Variants in OR51M1 observed in about 807,000 individuals in gnomAD.
The protein encoded by OR51M1 is olfactory receptor 51M1.
For synonymous variants in OR51M1, 199 were observed against 155.1 expected (o/e 1.28, Z -2.10); for missense variants, 509 against 404.4 (o/e 1.26, Z -2.22).
chr11:5,385,061 G>A (rs1407139313), intron 1 of OR51M1, among the ~76,000 whole-genome samples: 1 of 152,174 alleles, frequency 6.6e-6, no homozygotes, highest in Non-Finnish European at 1.5e-5. Context: ...ACACAGGTGA[G>A]GTAGAGAGCC....
rs374491977 is a variant in OR51M1 at position 5,389,645 on chromosome 11, C to G, written c.247C>G (p.Leu83Val). ...YLLSLLALTDLGLCVSTLPTT... is the reference protein window; with the variant it reads ...YLLSLLALTDVGLCVSTLPTT... ...ACTATCCTTGCTGGCCCTCACTGAC[C>G]TGGGGCTGTGTGTGTCCACGTTGCC... The change falls in exon 3 of 3, where the codon CTG (leucine) becomes GTG (valine). Residue 83 changes from leucine to valine, a missense_variant. Transcript: ENST00000642046. 1.1e-5 allele frequency: 17 copies of G among 1,613,568 alleles called. No homozygotes were observed. The highest frequency in any genetic ancestry group is 2.7e-5 in the African/African-American group (2 of 74,928).
At chr11:5,388,254 C>T (rs1369198804) in intron 2 of OR51M1, among the ~76,000 whole-genome samples, 1 of 151,386 alleles carries the variant, frequency 6.6e-6, no homozygotes, top group Non-Finnish European at 1.5e-5. Context: ...AAAAAAGAGA[C>T]AGTCATGGTT....
rs752171861 is a variant in OR51M1, at chr11:5,390,017, A to G, written c.619A>G (p.Asn207Asp). 6.2e-7 allele frequency: 1 copy of G among 1,613,472 alleles called. No homozygotes were observed. Among genetic ancestry groups the G allele is most frequent in the Admixed American group, 1.7e-5 (1 of 60,016 alleles). ...IQLACTDITFNNLYGLMVVVF... is the reference protein window; with the variant it reads ...IQLACTDITFDNLYGLMVVVF... Reference sequence around the variant, plus strand: ...GCTGGCCTGCACAGATATCACCTTCAATAATCTGTATGGACTGATGGTGGT... The same window carrying G: ...GCTGGCCTGCACAGATATCACCTTCGATAATCTGTATGGACTGATGGTGGT... The change falls in exon 3 of 3, where the codon AAT becomes GAT. Residue 207 changes from asparagine (N) to aspartate (D), a missense_variant. Asn to Asp is a conservative substitution (Grantham distance 23, BLOSUM62 1). Transcript: ENST00000642046.
chr11:5,390,422 C>A lies in OR51M1; in HGVS notation c.*43C>A. 1 of 1,478,196 alleles carries A rather than the reference C, an allele frequency of 6.8e-7. No homozygotes were observed. Among genetic ancestry groups the A allele is most frequent in the Non-Finnish European group, 9.0e-7 (1 of 1,107,480 alleles). 91.6% of individuals were successfully genotyped at this position (1,478,196 alleles called of 1,614,324 possible). A position where few individuals can be genotyped will look rare whatever the true frequency, so the allele number is the denominator to read the frequency against. ...CCCCCTAGAGGCCTATAAGAAGGCC[C>A]CAAATTGGACTGAAAATTTGGAGTA... On this transcript the variant is annotated 3_prime_UTR_variant, in exon 3 of 3. Coordinates refer to ENST00000642046, the MANE Select transcript of OR51M1 (RefSeq NM_001004756.3).
intron 2 of OR51M1, among the ~76,000 whole-genome samples, chr11:5,386,401 G>A (rs958107271): frequency 3.3e-5 from 5 of 152,134 alleles, no homozygotes; most frequent in Non-Finnish European, 7.4e-5. Flanking sequence ...GCCTTGGGAT[G>A]ATTGTTTACC....
chr11:5,388,486 A>G (rs1387480683), intron 2 of OR51M1, among the ~76,000 whole-genome samples: 1 of 150,508 alleles, frequency 6.6e-6, no homozygotes, highest in Admixed American at 6.7e-5. Context: ...AGGGAAAGCT[A>G]TTTCAGGAAA....
chr11:5,390,035 A>G lies in OR51M1; in HGVS notation c.637A>G (p.Met213Val), dbSNP rs777348255. The change falls in exon 3 of 3, where the codon ATG (methionine) becomes GTG (valine). Residue 213 changes from methionine to valine, a missense_variant. Physicochemically the swap from Met to Val is conservative, Grantham distance 21 (BLOSUM62 1). Coordinates refer to ENST00000642046, the MANE Select transcript of OR51M1 (RefSeq NM_001004756.3). Reference sequence around the variant, plus strand: ...CACCTTCAATAATCTGTATGGACTGATGGTGGTAGTTTTCACTGTGATGCT... The same window carrying G: ...CACCTTCAATAATCTGTATGGACTGGTGGTGGTAGTTTTCACTGTGATGCT... The part of the protein sequence containing the change: ...DITFNNLYGL[M>V]VVVFTVMLDL... The G allele has an allele frequency of 6.2e-7, 1 of 1,613,588 alleles. No homozygotes were observed. Among genetic ancestry groups the G allele is most frequent in the East Asian group, 2.2e-5 (1 of 44,876 alleles).
At chr11:5,387,210 A>T (rs11037152) in intron 2 of OR51M1, among the ~76,000 whole-genome samples, 19,352 of 152,160 alleles carry the variant, frequency 0.13, 1,345 homozygotes, top group Non-Finnish European at 0.16. Context: ...GAACCAGCAG[A>T]TCTTGGCATT....
chr11:5,390,695 A>C lies in OR51M1; in HGVS notation c.*316A>C. The C allele has an allele frequency of 3.9e-6, 1 of 257,602 alleles. No homozygotes were observed. Among genetic ancestry groups the C allele is most frequent in the Non-Finnish European group, 7.4e-6 (1 of 135,156 alleles). 16.0% of individuals were successfully genotyped at this position (257,602 alleles called of 1,614,324 possible). ...TAAATAAAAACTAAAAAGAACAATA[A>C]ATACCAGAGCACCCAGAGGAGAGCC... On this transcript the variant is annotated 3_prime_UTR_variant, in exon 3 of 3. Transcript: ENST00000642046.
At chr11:5,388,842 A>G (rs932790413) in intron 2 of OR51M1, among the ~76,000 whole-genome samples, 2 of 152,064 alleles carry the variant, frequency 1.3e-5, no homozygotes, top group African/African-American at 4.8e-5. Context: ...AACAGACTTG[A>G]GGTATTCAGT....
Position 5,390,001 on chromosome 11 carries a change from C to T in OR51M1, c.603C>T (p.Cys201=). 1.9e-6 allele frequency: 3 copies of T among 1,613,190 alleles called. No homozygotes were observed. Among genetic ancestry groups the T allele is most frequent in the Non-Finnish European group, 2.5e-6 (3 of 1,179,890 alleles). Residue 201 remains cysteine (C), a synonymous_variant, in exon 3 of 3, where the codon TGC becomes TGT. Coordinates refer to ENST00000642046, the MANE Select transcript of OR51M1 (RefSeq NM_001004756.3). ...ACCAGGAAGTGATACAGCTGGCCTG[C>T]ACAGATATCACCTTCAATAATCTGT... ...CLHQEVIQLA[C]TDITFNNLYG... is the part of the protein sequence containing the mutation.
rs963869262 is a variant in OR51M1, at chr11:5,390,533, A to G, written c.*154A>G. The stretch of plus-strand genomic sequence containing the variant: ...ATTTATGTCTGGAGTTGTGGCTTTA[A>G]AAAACTGAACTTCTCTTGCTTAGAT... On this transcript the variant is annotated 3_prime_UTR_variant, in exon 3 of 3. Transcript: ENST00000642046. 4.7e-6 allele frequency: 3 copies of G among 633,328 alleles called. No homozygotes were observed. The highest frequency in any genetic ancestry group is 5.0e-5 in the South Asian group (2 of 39,728). 39.2% of individuals were successfully genotyped at this position (633,328 alleles called of 1,614,324 possible).
In OR51M1 at chr11:5,389,688, T is replaced by G. The variant is rs1849761713; in HGVS notation, c.290T>G (p.Phe97Cys). ...VSTLPTTMGI[F>C]WFNSHSIYFG... ...ACGTTGCCCACCACTATGGGGATCTTCTGGTTTAACTCCCATAGTATCTAC... is the reference window on the plus strand; with the variant it reads ...ACGTTGCCCACCACTATGGGGATCTGCTGGTTTAACTCCCATAGTATCTAC... The change falls in exon 3 of 3, where the codon TTC becomes TGC. Residue 97 changes from phenylalanine (F) to cysteine (C), a missense_variant. Coordinates refer to ENST00000642046, the MANE Select transcript of OR51M1 (RefSeq NM_001004756.3). The G allele has an allele frequency of 6.2e-7, 1 of 1,613,754 alleles. No homozygotes were observed. Among genetic ancestry groups the G allele is most frequent in the East Asian group, 2.2e-5 (1 of 44,880 alleles).
chr11:5,392,525 T>C lies in OR51M1; in HGVS notation c.*2146T>C, dbSNP rs937074564. On this transcript the variant is annotated 3_prime_UTR_variant, in exon 3 of 3. Transcript: ENST00000642046. The stretch of plus-strand genomic sequence containing the variant: ...CAAATTAGGAAATACGTACAGGTAA[T>C]AACATATTTGAAAACTTCTACCTTA... 47 of 152,230 alleles carry C rather than the reference T, an allele frequency of 3.1e-4. No individual in the cohort carries two copies. The highest frequency in any genetic ancestry group is 1.1e-3 in the African/African-American group (44 of 41,454). The allele number at this position is 152,230 out of a possible 1,614,324, so 9.4% of individuals were successfully genotyped here. A position where few individuals can be genotyped will look rare whatever the true frequency, so the allele number is the denominator to read the frequency against.
rs780471536 is a variant in OR51M1 at position 5,392,184 on chromosome 11, T to C, written c.*1805T>C. On this transcript the variant is annotated 3_prime_UTR_variant, in exon 3 of 3. Coordinates refer to ENST00000642046, the MANE Select transcript of OR51M1 (RefSeq NM_001004756.3). ...GTTTGTGTGGTATCTCATGTTTGTATGTGTGGGTGTTATCAGACTCTCAGG... is the reference window on the plus strand; with the variant it reads ...GTTTGTGTGGTATCTCATGTTTGTACGTGTGGGTGTTATCAGACTCTCAGG... The C allele has an allele frequency of 6.6e-6, 1 of 152,272 alleles. No homozygotes were observed. Among genetic ancestry groups the C allele is most frequent in the African/African-American group, 2.4e-5 (1 of 41,476 alleles). 9.4% of individuals were successfully genotyped at this position (152,272 alleles called of 1,614,324 possible).
chr11:5,390,361 T>C lies in OR51M1; in HGVS notation c.963T>C (p.Leu321=). 1 of 1,601,526 alleles carries C rather than the reference T, an allele frequency of 6.2e-7. No homozygotes were observed. Among genetic ancestry groups the C allele is most frequent in the South Asian group, 1.1e-5 (1 of 89,192 alleles). Reference sequence around the variant, plus strand: ...GTGCCATTATCAAGTTCCTAGGTCTTAAAAAGGCCAGTAAATGAGTCCTGG... The same window carrying C: ...GTGCCATTATCAAGTTCCTAGGTCTCAAAAAGGCCAGTAAATGAGTCCTGG... The part of the protein sequence containing the change: ...IHRAIIKFLG[L]KKASK Residue 321 remains leucine (L), a synonymous_variant, in exon 3 of 3, where the codon CTT becomes CTC. Coordinates refer to ENST00000642046, the MANE Select transcript of OR51M1 (RefSeq NM_001004756.3).
In OR51M1 at chr11:5,389,973, T is replaced by C; in HGVS notation, c.575T>C (p.Leu192Pro). Residue 192 changes from leucine (L) to proline (P), a missense_variant, in exon 3 of 3, where the codon CTG (leucine) becomes CCG (proline). Physicochemically the swap from Leu to Pro is moderately conservative, Grantham distance 98. Transcript: ENST00000642046. ...GTGGTCCTCTCCCACTCATTTTGCC[T>C]GCACCAGGAAGTGATACAGCTGGCC... ...GSVVLSHSFC[L>P]HQEVIQLACT... is the part of the protein sequence containing the mutation. The C allele has an allele frequency of 6.2e-7, 1 of 1,612,288 alleles. No individual in the cohort carries two copies. The highest frequency in any genetic ancestry group is 8.5e-7 in the Non-Finnish European group (1 of 1,179,894).
Position 5,390,101 on chromosome 11 carries a change from C to A in OR51M1, c.703C>A (p.His235Asn). The change falls in exon 3 of 3, where the codon CAC (histidine) becomes AAC (asparagine). Residue 235 changes from histidine to asparagine, a missense_variant. By Grantham distance (68) the His-to-Asn change is moderately conservative (BLOSUM62 1). Transcript: ENST00000642046. The stretch of plus-strand genomic sequence containing the variant: ...CGCACTGTCCTATGGACTCATCCTG[C>A]ACACAGTAGCAGGCCTGGCCTCCCA... Reference protein sequence around the residue: ...LIALSYGLILHTVAGLASQEE... With the variant: ...LIALSYGLILNTVAGLASQEE... 1 of 1,613,794 alleles carries A rather than the reference C, an allele frequency of 6.2e-7. No homozygotes were observed. Among genetic ancestry groups the A allele is most frequent in the Non-Finnish European group, 8.5e-7 (1 of 1,179,898 alleles).
rs781260832 is a variant in OR51M1, at chr11:5,389,394, G to A, written c.-5G>A. ...TCCATTTATTTTCAGCTCAATCCCC[G>A]AGGAATGTCAGTCCAATATTCGCTC... On this transcript the variant is annotated 5_prime_UTR_variant, in exon 3 of 3. Transcript: ENST00000642046. 2.5e-5 allele frequency: 40 copies of A among 1,609,398 alleles called. No homozygotes were observed. The highest frequency in any genetic ancestry group is 8.8e-5 in the South Asian group (8 of 90,768).
Sources: allele counts gnomAD v4.1 joint callset (sites outside exome capture counted in the v4.1 genomes callset), GRCh38; gene constraint gnomAD v4.1.1; transcripts MANE v1.5; gene names NCBI Gene and HGNC (gene_info 2026-07-23, HGNC 2026-07-21).